ANKDD1A: variants seen among roughly 807,000 people sequenced by gnomAD.
The protein encoded by ANKDD1A is ankyrin repeat and death domain containing 1A.
In ANKDD1A, 59 loss-of-function variants were observed where a neutral mutation model predicts 63.5. The observed-to-expected ratio is 0.93, with a 90% confidence interval of 0.75 to 1.15. The LOEUF is 1.15. Among genes scored for constraint, ANKDD1A ranks in the 50% most tolerant of loss-of-function variants. ANKDD1A has a pLI of 0.00. For missense variants in ANKDD1A, 632 were observed against 656.4 expected (o/e 0.96, Z 0.41); for synonymous variants, 266 against 263.9 (o/e 1.01, Z -0.08).
chr15:64,935,881 C>T (rs1277343511), intron 9 of ANKDD1A, among the ~76,000 whole-genome samples: 1 of 151,924 alleles, frequency 6.6e-6, no homozygotes, highest in Admixed American at 6.6e-5. Context: ...CAAATGGTGA[C>T]TATCTTTCTA....
At chr15:64,955,034 TTC>T (rs746802790) in intron 14 of ANKDD1A, among the ~76,000 whole-genome samples, 217 of 26,344 alleles carry the variant, frequency 8.2e-3, no homozygotes, top group Admixed American at 0.017. Context: ...CTTCCTCTTC[TTC>T]TTCTTTCTTT....
At chr15:64,924,844 C>T (rs535410955) in intron 4 of ANKDD1A, among the ~76,000 whole-genome samples, 6 of 152,196 alleles carry the variant, frequency 3.9e-5, no homozygotes, top group South Asian at 2.1e-4. Flanking sequence ...GAAAATCATC[C>T]GTCCAGGGCT....
intron 3 of ANKDD1A, among the ~76,000 whole-genome samples, chr15:64,917,975 G>C (rs1398684132): frequency 6.6e-6 from 1 of 152,240 alleles, no homozygotes; most frequent in Non-Finnish European, 1.5e-5. Context: ...ATGAGTAACG[G>C]GGTCTGTAAA....
In ANKDD1A at chr15:64,949,857, G is replaced by A; in HGVS notation, c.1368G>A (p.Gln456=). The change falls in exon 14 of 15, where the codon CAG becomes CAA. Residue 456 remains glutamine (Q), a synonymous_variant. Coordinates refer to ENST00000319580, the MANE Select transcript of ANKDD1A (RefSeq NM_182703.6). ...EQQWTGTRSY[Q]EHGHRMLLIW... ...TGTTCTCAGGCACCAGGAGCTATCAGGAGCACGGCCACCGAATGCTGCTCA... is the reference window on the plus strand; with the variant it reads ...TGTTCTCAGGCACCAGGAGCTATCAAGAGCACGGCCACCGAATGCTGCTCA... 6.2e-7 allele frequency: 1 copy of A among 1,602,692 alleles called. No individual in the cohort carries two copies. The highest frequency in any genetic ancestry group is 8.5e-7 in the Non-Finnish European group (1 of 1,179,874).
chr15:64,952,813 CCTT>C (rs1566917058), intron 14 of ANKDD1A, among the ~76,000 whole-genome samples: 3 of 136,128 alleles, frequency 2.2e-5, no homozygotes, highest in South Asian at 2.5e-4. Flanking sequence ...TCCTTCTCCT[CCTT>C]CTTCCTCCTC....
At chr15:64,953,538 C>CCTTCTTCCTTCTCTCCTTCTTT (rs1555397817) in intron 14 of ANKDD1A, among the ~76,000 whole-genome samples, 1 of 124,590 alleles carries the variant, frequency 8.0e-6, no homozygotes, top group African/African-American at 3.1e-5. Flanking sequence ...CTTCTCCTCT[C>CCTTCTTCCTTCTCTCCTTCTTT]CTTCTTCCTT....
At chr15:64,930,341 G>T (rs1014219566) in intron 6 of ANKDD1A, among the ~76,000 whole-genome samples, 1 of 152,180 alleles carries the variant, frequency 6.6e-6, no homozygotes, top group Non-Finnish European at 1.5e-5. Flanking sequence ...TGTGCAGTGG[G>T]GAAAGGAAAA....
At chr15:64,926,629 C>T (rs1008796849) in intron 5 of ANKDD1A, among the ~76,000 whole-genome samples, 2 of 152,016 alleles carry the variant, frequency 1.3e-5, no homozygotes, top group African/African-American at 4.8e-5. Flanking sequence ...GCGATCTCAA[C>T]CCCCATCCTC....
intron 14 of ANKDD1A, among the ~76,000 whole-genome samples, chr15:64,954,243 T>C (rs1205418510): frequency 3.3e-5 from 5 of 150,492 alleles, no homozygotes; most frequent in Non-Finnish European, 7.4e-5. Flanking sequence ...CTTCGTCTTC[T>C]TAGTTCTTTC....
chr15:64,949,971 T>C lies in ANKDD1A; in HGVS notation c.1482T>C (p.Ala494=). ...GLVAIGRRDL[A]GWSTMARSQL... is the part of the protein sequence containing the mutation. ...TGGCCATTGGCAGGAGGGACCTGGC[T>C]GGTAAGAGCGTACTCTGCTGGGCTG... The change falls in exon 14 of 15, where the codon GCT becomes GCC. Residue 494 remains alanine (A), a splice_region_variant and synonymous_variant. Coordinates refer to ENST00000319580, the MANE Select transcript of ANKDD1A (RefSeq NM_182703.6). 26 of 1,609,348 alleles carry C rather than the reference T, an allele frequency of 1.6e-5. No homozygotes were observed. The highest frequency in any genetic ancestry group is 2.2e-5 in the Non-Finnish European group (26 of 1,179,888).
intron 14 of ANKDD1A, among the ~76,000 whole-genome samples, chr15:64,954,905 CTT>C (rs763416811): frequency 2.3e-4 from 29 of 123,606 alleles, no homozygotes; most frequent in Middle Eastern, 4.0e-3. Flanking sequence ...TCCTTCTTCT[CTT>C]GTCTCTTCTC....
At chr15:64,924,167 C>T (rs990291732) in intron 4 of ANKDD1A, among the ~76,000 whole-genome samples, 2 of 152,206 alleles carry the variant, frequency 1.3e-5, no homozygotes, top group Admixed American at 6.5e-5. Context: ...TCTGGAGCCT[C>T]TGCAGGAAGG....
chr15:64,942,398 C>T (rs60230502), intron 9 of ANKDD1A, 69 bp from the exon 10 acceptor site: 3 of 1,270,238 alleles, frequency 2.4e-6, no homozygotes, highest in African/African-American at 3.0e-5. Flanking sequence ...CTCCTGTCCC[C>T]AGCACCAGCC....
At chr15:64,936,423 T>G (rs1292596484) in intron 9 of ANKDD1A, among the ~76,000 whole-genome samples, 2 of 152,242 alleles carry the variant, frequency 1.3e-5, no homozygotes, top group Admixed American at 1.3e-4. Context: ...TCATTTTAGC[T>G]GTTTTTGCTG....
At chr15:64,945,302 A>G (rs1159952175) in intron 12 of ANKDD1A, among the ~76,000 whole-genome samples, 2 of 151,940 alleles carry the variant, frequency 1.3e-5, no homozygotes, top group Non-Finnish European at 2.9e-5. Context: ...TCAGTTTTCA[A>G]AGTTAATACA....
chr15:64,917,250 CCCCAGCTAGCTGGGGA>C, intron 2 of ANKDD1A, 120 bp from the exon 3 acceptor site: 1 of 1,172,774 alleles, frequency 8.5e-7, no homozygotes, highest in Non-Finnish European at 1.2e-6. Context: ...GGGGCTGGGT[CCCCAGCTAGCTGGGGA>C]CCAGAGCCAG....
chr15:64,949,972 G>A lies in ANKDD1A; in HGVS notation c.1483G>A (p.Gly495Ser), dbSNP rs2085257155. ...GGCCATTGGCAGGAGGGACCTGGCT[G>A]GTAAGAGCGTACTCTGCTGGGCTGC... ...LVAIGRRDLA[G>S]WSTMARSQLT... The change falls in exon 14 of 15, where the codon GGC becomes AGC. Residue 495 changes from glycine (G) to serine (S), a missense_variant and splice_region_variant. Gly to Ser is a moderately conservative substitution (Grantham distance 56). Transcript: ENST00000319580. The A allele has an allele frequency of 1.2e-6, 2 of 1,609,186 alleles. No homozygotes were observed. Among genetic ancestry groups the A allele is most frequent in the Non-Finnish European group, 8.5e-7 (1 of 1,179,882 alleles).
At chr15:64,933,322 G>T (rs531590855) in intron 8 of ANKDD1A, among the ~76,000 whole-genome samples, 39 of 152,234 alleles carry the variant, frequency 2.6e-4, no homozygotes, top group Non-Finnish European at 4.1e-4. Flanking sequence ...TGAGACAGTG[G>T]TGGGTCACCC....
chr15:64,925,909 G>A (rs556445364), intron 4 of ANKDD1A, among the ~76,000 whole-genome samples, 157 bp from the exon 5 acceptor site: 1 of 152,288 alleles, frequency 6.6e-6, no homozygotes, highest in Non-Finnish European at 1.5e-5. Flanking sequence ...GTGGGCAGCA[G>A]AGTGGGTTAT....
Sources: gnomAD v4.1 joint callset for allele counts (sites outside exome capture counted in the v4.1 genomes callset) on GRCh38, gnomAD v4.1.1 for gene constraint, MANE v1.5 for transcripts, NCBI Gene and HGNC (gene_info 2026-07-23, HGNC 2026-07-21) for gene names.